The following CACNB2 variants were observed in gnomAD, a reference collection of about 807,000 sequenced individuals.
CACNB2 encodes the protein calcium voltage-gated channel auxiliary subunit beta 2.
In CACNB2, 42 loss-of-function variants were observed where a neutral mutation model predicts 73.3. That is an observed-to-expected ratio of 0.57 (90% confidence interval 0.45 to 0.74). CACNB2 has a LOEUF of 0.74. Ranked by LOEUF, CACNB2 falls within the 30% of genes least tolerant of loss-of-function variation. The pLI, the probability that CACNB2 is intolerant of heterozygous loss-of-function variation, is 0.00. For missense variants in CACNB2, 940 were observed against 853.0 expected, an observed-to-expected ratio of 1.10 and a Z score of -1.27; for synonymous variants, 348 against 310.3, an observed-to-expected ratio of 1.12 and a Z score of -1.28.
chr10:18,485,023 C>G (rs185363519), intron 3 of CACNB2, among the ~76,000 whole-genome samples: 3 of 151,994 alleles, frequency 2.0e-5, no homozygotes, highest in African/African-American at 7.3e-5. Flanking sequence ...GATGTCATAG[C>G]GCATACCTGT....
At chr10:18,357,890 G>A (rs1052052570) in intron 2 of CACNB2, among the ~76,000 whole-genome samples, 4 of 152,048 alleles carry the variant, frequency 2.6e-5, no homozygotes, top group African/African-American at 9.7e-5. Context: ...CTCCTTTTGG[G>A]GACCCATTAG....
At chr10:18,278,683 A>G (rs2038403839) in intron 2 of CACNB2, among the ~76,000 whole-genome samples, 1 of 152,152 alleles carries the variant, frequency 6.6e-6, no homozygotes. Context: ...TCTGCTTTTC[A>G]CAGCCTATTT....
At chr10:18,191,081 G>C (rs1214899098) in intron 2 of CACNB2, among the ~76,000 whole-genome samples, 1 of 152,210 alleles carries the variant, frequency 6.6e-6, no homozygotes, top group East Asian at 1.9e-4. Context: ...CAGGAACTGG[G>C]AGAGTGAAAA....
chr10:18,368,775 G>C (rs1333848669), intron 2 of CACNB2, among the ~76,000 whole-genome samples: 1 of 151,874 alleles, frequency 6.6e-6, no homozygotes, highest in Non-Finnish European at 1.5e-5. Context: ...ACAAAAGCCA[G>C]TTTTTCATGA....
At chr10:18,188,297 T>C (rs1462168032) in intron 2 of CACNB2, among the ~76,000 whole-genome samples, 1 of 152,020 alleles carries the variant, frequency 6.6e-6, no homozygotes, top group Non-Finnish European at 1.5e-5. Context: ...CTTTCCTTCC[T>C]GCCCACCTGC....
intron 8 of CACNB2, among the ~76,000 whole-genome samples, chr10:18,518,654 G>A (rs2051517463): frequency 6.6e-6 from 1 of 152,178 alleles, no homozygotes; most frequent in African/African-American, 2.4e-5. Context: ...AGTGTACTCA[G>A]TCCAGGAAAT....
chr10:18,413,200 G>A (rs1008823217), intron 3 of CACNB2, among the ~76,000 whole-genome samples: 1 of 152,148 alleles, frequency 6.6e-6, no homozygotes, highest in Non-Finnish European at 1.5e-5. Flanking sequence ...TCGAACTCCT[G>A]ACCTCAGGTG....
intron 1 of CACNB2, among the ~76,000 whole-genome samples, chr10:18,142,904 G>C (rs1007728300): frequency 6.6e-6 from 1 of 152,158 alleles, no homozygotes; most frequent in Non-Finnish European, 1.5e-5. Context: ...TAATAAACAC[G>C]CTATTTGGAG....
At chr10:18,195,238 C>G (rs893387245) in intron 2 of CACNB2, among the ~76,000 whole-genome samples, 2 of 152,156 alleles carry the variant, frequency 1.3e-5, no homozygotes. Flanking sequence ...TATTTTGAGG[C>G]TTTACATGCC....
chr10:18,301,468 G>T (rs1369802192), intron 2 of CACNB2, among the ~76,000 whole-genome samples: 1 of 151,812 alleles, frequency 6.6e-6, no homozygotes, highest in Non-Finnish European at 1.5e-5. Context: ...GGTGGCACAT[G>T]CCTGCAGTCC....
intron 2 of CACNB2, among the ~76,000 whole-genome samples, chr10:18,294,811 T>C (rs1443391544): frequency 6.6e-6 from 1 of 152,242 alleles, no homozygotes; most frequent in Non-Finnish European, 1.5e-5. Context: ...GTCTCTTGTA[T>C]GTATTTGCAT....
At chr10:18,476,953 G>A (rs2048471651) in intron 3 of CACNB2, among the ~76,000 whole-genome samples, 1 of 151,866 alleles carries the variant, frequency 6.6e-6, no homozygotes, top group Non-Finnish European at 1.5e-5. Flanking sequence ...CCGGGAGGCA[G>A]AGATAGCAGT....
intron 2 of CACNB2, among the ~76,000 whole-genome samples, chr10:18,267,030 G>A (rs1482616636): frequency 1.3e-5 from 2 of 152,102 alleles, no homozygotes; most frequent in Admixed American, 6.5e-5. Context: ...GTGTGTGTGT[G>A]TATGTATATA....
At chr10:18,520,118 T>C (rs2051702629) in intron 9 of CACNB2, 1 of 192,424 alleles carries the variant, frequency 5.2e-6, no homozygotes, top group African/African-American at 2.4e-5. Flanking sequence ...TTAAATTCCA[T>C]TCCTTTGCCA....
chr10:18,178,959 G>C (rs2033740283), intron 2 of CACNB2, among the ~76,000 whole-genome samples: 1 of 152,076 alleles, frequency 6.6e-6, no homozygotes, highest in Non-Finnish European at 1.5e-5. Flanking sequence ...GCAGAAGTTG[G>C]GTCTATAGAA....
intron 2 of CACNB2, chr10:18,400,639 AGT>A: frequency 1.1e-6 from 1 of 929,058 alleles, no homozygotes; most frequent in Non-Finnish European, 1.2e-6. Flanking sequence ...TTTTTGCACT[AGT>A]TTTTTTTTTT....
At chr10:18,294,652 A>T (rs1478316855) in intron 2 of CACNB2, among the ~76,000 whole-genome samples, 2 of 152,236 alleles carry the variant, frequency 1.3e-5, no homozygotes, top group Non-Finnish European at 2.9e-5. Flanking sequence ...GAAGAAGGTA[A>T]CAGAGTCAGC....
chr10:18,514,816 A>C (rs1336529741), intron 7 of CACNB2, among the ~76,000 whole-genome samples: 1 of 152,240 alleles, frequency 6.6e-6, no homozygotes, highest in East Asian at 1.9e-4. Flanking sequence ...TAAATTGTGC[A>C]TGCTTATTCT....
intron 2 of CACNB2, among the ~76,000 whole-genome samples, chr10:18,332,660 A>T (rs976235578): frequency 1.3e-4 from 20 of 152,170 alleles, no homozygotes; most frequent in African/African-American, 4.6e-4. Flanking sequence ...ACAGGGTGAG[A>T]GGGGGTATCT....
Sources: allele counts gnomAD v4.1 joint callset (sites outside exome capture counted in the v4.1 genomes callset), GRCh38; gene constraint gnomAD v4.1.1; transcripts MANE v1.5; gene names NCBI Gene and HGNC (gene_info 2026-07-23, HGNC 2026-07-21).